The following DISC1 variants were observed in gnomAD, a reference collection of about 807,000 sequenced individuals.
DISC1 encodes the protein DISC1 scaffold protein.
In DISC1, 57 loss-of-function variants were observed where a neutral mutation model predicts 84.5. The ratio of observed to expected loss-of-function variants is 0.67; its 90% confidence interval spans 0.55 to 0.84. The LOEUF (loss-of-function observed/expected upper bound fraction) is 0.84. Among genes scored for constraint, DISC1 ranks in the 40% least tolerant of loss-of-function variants. The pLI is 0.00. For synonymous variants in DISC1, 411 were observed against 415.2 expected, an observed-to-expected ratio of 0.99 and a Z score of 0.12; for missense variants, 1,000 against 1,057.8, an observed-to-expected ratio of 0.95 and a Z score of 0.76.
intron 9 of DISC1, among the ~76,000 whole-genome samples, chr1:231,888,792 GGCT>G (rs953356758): frequency 6.6e-6 from 1 of 151,580 alleles, no homozygotes; most frequent in Non-Finnish European, 1.5e-5. Context: ...CCATCCACAG[GGCT>G]GCTGCTGCTG....
chr1:232,008,019 C>T (rs776080200), intron 10 of DISC1, among the ~76,000 whole-genome samples: 19 of 152,116 alleles, frequency 1.2e-4, no homozygotes, highest in Non-Finnish European at 2.4e-4. Flanking sequence ...CCTTGCTTCC[C>T]CTTCACCTTC....
chr1:231,894,540 C>T (rs1223234871), intron 9 of DISC1, among the ~76,000 whole-genome samples: 1 of 151,716 alleles, frequency 6.6e-6, no homozygotes, highest in African/African-American at 2.4e-5. Flanking sequence ...TAAGTTCTTT[C>T]CTACTCCCAG....
At chr1:231,779,537 C>G (rs1558529915) in intron 6 of DISC1, among the ~76,000 whole-genome samples, 1 of 140,184 alleles carries the variant, frequency 7.1e-6, no homozygotes, top group Admixed American at 7.2e-5. Flanking sequence ...TATACTTGGT[C>G]AACCTATTCT....
chr1:231,694,173 G>C lies in DISC1; in HGVS notation c.415G>C (p.Gly139Arg). The change falls in exon 2 of 13, where the codon GGG (glycine) becomes CGG (arginine). Residue 139 changes from glycine (G) to arginine (R), a missense_variant. Physicochemically the swap from Gly to Arg is moderately radical, Grantham distance 125 (BLOSUM62 -2). This residue lies in a region of DISC1 where 292 missense variants were observed against 280.2 expected (regional missense o/e 1.04). Transcript: ENST00000439617. ...CAGGCTTAGCTGGCCGTGTGGCCCTGGGAGTGCTGGGTGGCAGCAAGAGTT... is the reference window on the plus strand; with the variant it reads ...CAGGCTTAGCTGGCCGTGTGGCCCTCGGAGTGCTGGGTGGCAGCAAGAGTT... ...PDRLSWPCGPGSAGWQQEFAA... is the reference protein window; with the variant it reads ...PDRLSWPCGPRSAGWQQEFAA... The C allele has an allele frequency of 1.9e-6, 3 of 1,614,212 alleles. No homozygotes were observed. In the African/African-American group the frequency reaches 4.0e-5, roughly 22 times the overall value.
chr1:231,986,948 T>C (rs958635344), intron 10 of DISC1, among the ~76,000 whole-genome samples: 1 of 152,160 alleles, frequency 6.6e-6, no homozygotes, highest in Non-Finnish European at 1.5e-5. Context: ...TGTCTCCTTT[T>C]CCCCCCATTA....
At chr1:231,985,435 T>G (rs908279253) in intron 10 of DISC1, among the ~76,000 whole-genome samples, 1 of 152,080 alleles carries the variant, frequency 6.6e-6, no homozygotes, top group Non-Finnish European at 1.5e-5. Context: ...TCACCATTAC[T>G]GGCACATGCT....
At chr1:231,727,176 G>A (rs988143373) in intron 3 of DISC1, among the ~76,000 whole-genome samples, 3 of 152,238 alleles carry the variant, frequency 2.0e-5, no homozygotes, top group East Asian at 1.9e-4. Flanking sequence ...ATCATCTCTC[G>A]TGTTATAGCT....
chr1:231,842,528 A>G (rs184081087), intron 9 of DISC1, among the ~76,000 whole-genome samples: 1 of 152,242 alleles, frequency 6.6e-6, no homozygotes, highest in African/African-American at 2.4e-5. Flanking sequence ...TACTTTGGAG[A>G]TATTATTTGA....
intron 3 of DISC1, among the ~76,000 whole-genome samples, chr1:231,733,773 G>GA (rs1192142979): frequency 4.3e-5 from 3 of 70,442 alleles, no homozygotes; most frequent in East Asian, 9.1e-4. Flanking sequence ...TGGTAGTGGT[G>GA]GTGGTGGTGA....
At chr1:231,957,131 C>CG (rs1659651899) in intron 9 of DISC1, among the ~76,000 whole-genome samples, 1 of 152,098 alleles carries the variant, frequency 6.6e-6, no homozygotes, top group Non-Finnish European at 1.5e-5. Context: ...CACAGTGGCC[C>CG]GCTTGATTGG....
intron 9 of DISC1, among the ~76,000 whole-genome samples, chr1:231,896,690 G>A (rs532802399): frequency 6.6e-6 from 1 of 152,224 alleles, no homozygotes; most frequent in South Asian, 2.1e-4. Context: ...TAAATCTCAG[G>A]GCTATGTTTT....
At chr1:231,928,719 C>T (rs954621336) in intron 9 of DISC1, among the ~76,000 whole-genome samples, 1 of 152,218 alleles carries the variant, frequency 6.6e-6, no homozygotes, top group Non-Finnish European at 1.5e-5. Context: ...CTTCTAAACA[C>T]TGCTTCAGCT....
intron 6 of DISC1, among the ~76,000 whole-genome samples, chr1:231,777,168 A>G (rs2077021224): frequency 6.6e-6 from 1 of 152,056 alleles, no homozygotes; most frequent in South Asian, 2.1e-4. Context: ...GAAAGAGGAG[A>G]GCTTTGCATT....
chr1:231,829,682 C>G (rs906113578), intron 9 of DISC1, among the ~76,000 whole-genome samples: 1 of 152,200 alleles, frequency 6.6e-6, no homozygotes, highest in Non-Finnish European at 1.5e-5. Context: ...TCACTCACGT[C>G]CGTGTGAAGA....
intron 1 of DISC1, among the ~76,000 whole-genome samples, chr1:231,652,648 G>C (rs2060730689): frequency 6.6e-6 from 1 of 152,136 alleles, no homozygotes; most frequent in Non-Finnish European, 1.5e-5. Context: ...CTTCTAGAAG[G>C]TTCACAGAGC....
chr1:231,870,309 A>G (rs2085365063), intron 9 of DISC1, among the ~76,000 whole-genome samples: 1 of 152,220 alleles, frequency 6.6e-6, no homozygotes, highest in African/African-American at 2.4e-5. Flanking sequence ...CCAATTAATA[A>G]AACAGTGATG....
At chr1:231,952,210 T>C (rs1037522940) in intron 9 of DISC1, among the ~76,000 whole-genome samples, 1 of 152,138 alleles carries the variant, frequency 6.6e-6, no homozygotes, top group African/African-American at 2.4e-5. Context: ...TTACCACTTA[T>C]TAAATCAGTA....
At chr1:231,879,382 C>T (rs2086127480) in intron 9 of DISC1, among the ~76,000 whole-genome samples, 3 of 151,918 alleles carry the variant, frequency 2.0e-5, no homozygotes, top group Admixed American at 6.6e-5. Flanking sequence ...TCCTGCCAAG[C>T]AGTTTTACAA....
intron 9 of DISC1, among the ~76,000 whole-genome samples, chr1:231,832,177 G>A (rs1322282971): frequency 6.6e-6 from 1 of 151,928 alleles, no homozygotes; most frequent in Non-Finnish European, 1.5e-5. Flanking sequence ...GAAAGTATAT[G>A]CCTCAGGTGT....
Sources: allele counts gnomAD v4.1 joint callset (sites outside exome capture counted in the v4.1 genomes callset), GRCh38; gene constraint gnomAD v4.1.1; regional missense constraint gnomAD v4.1.1; transcripts MANE v1.5; gene names NCBI Gene and HGNC (gene_info 2026-07-23, HGNC 2026-07-21).